Variants in DPP6 observed in about 807,000 individuals in gnomAD.
DPP6 encodes the protein dipeptidyl peptidase like 6.
DPP6 carries 69 observed loss-of-function variants against 122.6 expected under a neutral mutation model. The ratio of observed to expected loss-of-function variants is 0.56; its 90% CI spans 0.46 to 0.69. DPP6 has a LOEUF of 0.69. DPP6 is among the 30% of genes least tolerant of loss of function. DPP6 has a pLI of 0.00. For missense variants in DPP6, 928 were observed against 1,116.9 expected, an observed-to-expected ratio of 0.83 and a Z score of 2.41; for synonymous variants, 418 against 433.1, an observed-to-expected ratio of 0.97 and a Z score of 0.43.
chr7:154,701,987 G>A (rs1014853117), intron 7 of DPP6, among the ~76,000 whole-genome samples: 3 of 152,164 alleles, frequency 2.0e-5, no homozygotes, highest in Non-Finnish European at 4.4e-5. Flanking sequence ...GGTCTGTTGG[G>A]ACCATTTTTC....
chr7:154,159,608 G>A (rs1467993982), intron 1 of DPP6, among the ~76,000 whole-genome samples: 4 of 152,238 alleles, frequency 2.6e-5, no homozygotes, highest in Non-Finnish European at 5.9e-5. Flanking sequence ...TAAAGCCTCC[G>A]CCTCTAACAT....
chr7:154,463,466 C>A (rs574623378), intron 2 of DPP6, among the ~76,000 whole-genome samples: 2 of 152,214 alleles, frequency 1.3e-5, no homozygotes, highest in East Asian at 3.9e-4. Context: ...CTCGGCCTCC[C>A]AAAGTGCTGG....
intron 1 of DPP6, among the ~76,000 whole-genome samples, chr7:154,408,229 A>C (rs983182091): frequency 3.9e-5 from 6 of 152,306 alleles, no homozygotes; most frequent in Admixed American, 1.3e-4. Context: ...AATGGGACAC[A>C]TTTATTTTCA....
chr7:153,895,332 C>T (rs1799362974), intron 1 of DPP6, among the ~76,000 whole-genome samples: 1 of 152,162 alleles, frequency 6.6e-6, no homozygotes, highest in Admixed American at 6.5e-5. Context: ...CTGCAGGCAG[C>T]TCCCTGGACT....
the DPP6 span, among the ~76,000 whole-genome samples, chr7:153,788,167 C>G: frequency 6.6e-6 from 1 of 152,132 alleles, no homozygotes; most frequent in Non-Finnish European, 1.5e-5. Flanking sequence ...TGTATTAAAG[C>G]TTGTAGACTG....
At chr7:154,761,393 A>G (rs956572084) in intron 8 of DPP6, among the ~76,000 whole-genome samples, 16 of 152,222 alleles carry the variant, frequency 1.1e-4, no homozygotes, top group African/African-American at 3.9e-4. Context: ...TGCTCACCAC[A>G]TAGAAGGTGG....
At chr7:153,819,670 GATTA>G in the DPP6 span, among the ~76,000 whole-genome samples, 27 of 152,126 alleles carry the variant, frequency 1.8e-4, no homozygotes, top group African/African-American at 5.6e-4. Context: ...ATGAATAAAT[GATTA>G]ATTATTTCAT....
At chr7:154,004,912 A>G (rs999829214) in intron 1 of DPP6, among the ~76,000 whole-genome samples, 3 of 152,206 alleles carry the variant, frequency 2.0e-5, no homozygotes, top group African/African-American at 7.2e-5. Context: ...CTGTCTGTAC[A>G]TTTGTCGCCT....
At position 154,062,827 on chromosome 7, in the gene DPP6, C is replaced by T. The variant is rs539789671; in HGVS notation, c.243+9764C>T. On this transcript the variant is annotated intron_variant, in intron 1 of 25. Coordinates refer to ENST00000377770, the MANE Select transcript of DPP6 (RefSeq NM_130797.4). ...CATCGCAGAGGGGGGAGGCACCCCC[C>T]GCGAGGCGGGGACTGCGAGCCAGAC... Among the ~76,000 whole-genome samples the T allele has an allele frequency of 5.1e-4, 66 of 129,178 alleles. 4 individuals carry two copies. The highest frequency in any genetic ancestry group is 1.6e-3 in the African/African-American group (56 of 34,950). The allele number at this position is 129,178 out of a possible 152,430, so 84.7% of individuals were successfully genotyped here.
chr7:153,974,455 T>C (rs1228121470), intron 1 of DPP6, among the ~76,000 whole-genome samples: 1 of 152,212 alleles, frequency 6.6e-6, no homozygotes, highest in African/African-American at 2.4e-5. Flanking sequence ...ATGATCTCTT[T>C]CAGCTTTCAG....
intron 1 of DPP6, among the ~76,000 whole-genome samples, chr7:154,405,126 C>A (rs192481403): frequency 7.4e-4 from 113 of 152,196 alleles, no homozygotes; most frequent in African/African-American, 2.5e-3. Context: ...TTTTCACCAA[C>A]CCTATAAAGT....
chr7:153,920,798 A>T (rs1288044086), intron 1 of DPP6, among the ~76,000 whole-genome samples: 21 of 151,832 alleles, frequency 1.4e-4, no homozygotes, highest in Non-Finnish European at 1.5e-5. Flanking sequence ...TGACCTCATG[A>T]TCTGCCCACC....
intron 1 of DPP6, among the ~76,000 whole-genome samples, chr7:154,424,994 C>T (rs549710320): frequency 1.4e-4 from 21 of 152,222 alleles, no homozygotes; most frequent in African/African-American, 5.1e-4. Flanking sequence ...GATTGGATAC[C>T]CATGAAGTCT....
Position 154,343,205 on chromosome 7 carries a change from G to A in DPP6, c.244-103009G>A, listed in dbSNP as rs536846149. Among the ~76,000 whole-genome samples, 7 of 152,320 alleles carry A rather than the reference G, an allele frequency of 4.6e-5. No homozygotes were observed. In the East Asian group the frequency reaches 7.7e-4, roughly 17 times the overall value. On this transcript the variant is annotated intron_variant, in intron 1 of 25. Coordinates refer to ENST00000377770, the MANE Select transcript of DPP6 (RefSeq NM_130797.4). ...CATTACCTCATTTACTCACTGCAAC[G>A]CCACACACTTTGTGGCTTCCTGATT...
intron 8 of DPP6, among the ~76,000 whole-genome samples, chr7:154,733,958 A>G (rs142991960): frequency 1.2e-4 from 18 of 152,362 alleles, no homozygotes; most frequent in African/African-American, 4.3e-4. Flanking sequence ...TGTCACGCTG[A>G]TACCCAGTGT....
chr7:154,433,968 G>T (rs1818658852), intron 1 of DPP6, among the ~76,000 whole-genome samples: 1 of 152,178 alleles, frequency 6.6e-6, no homozygotes, highest in South Asian at 2.1e-4. Flanking sequence ...TAAAACACAT[G>T]CCTCAGGTCT....
chr7:153,986,645 A>C (rs1246373843), intron 1 of DPP6, among the ~76,000 whole-genome samples: 2 of 152,222 alleles, frequency 1.3e-5, no homozygotes, highest in African/African-American at 4.8e-5. Flanking sequence ...TTGAATGCTG[A>C]AAGTTTTAGC....
chr7:154,492,285 A>C (rs2131057), intron 3 of DPP6, among the ~76,000 whole-genome samples: 2,616 of 152,330 alleles, frequency 0.017, 75 homozygotes, highest in African/African-American at 0.06. Context: ...GCAGACGCAC[A>C]CCACATGGTT....
At chr7:154,607,367 G>A (rs1017395477) in intron 5 of DPP6, among the ~76,000 whole-genome samples, 3 of 116,022 alleles carry the variant, frequency 2.6e-5, no homozygotes, top group Non-Finnish European at 5.7e-5. Flanking sequence ...AGACCATCCT[G>A]GCTAACACGC....
Sources: allele counts gnomAD v4.1 joint callset (sites outside exome capture counted in the v4.1 genomes callset), GRCh38; gene constraint gnomAD v4.1.1; transcripts MANE v1.5; gene names NCBI Gene and HGNC (gene_info 2026-07-23, HGNC 2026-07-21).